Variants in ZFAND6 observed in about 807,000 individuals in gnomAD.
The protein encoded by ZFAND6 is zinc finger AN1-type containing 6.
ZFAND6 carries 12 observed loss-of-function variants against 24.5 expected under a neutral mutation model. The observed-to-expected ratio is 0.49, with a 90% CI of 0.31 to 0.79. The LOEUF (loss-of-function observed/expected upper bound fraction) is 0.79. ZFAND6 is among the 30% of genes least tolerant of loss of function. The pLI is 0.04. For synonymous variants in ZFAND6, 92 were observed against 81.5 expected (o/e 1.13, Z -0.69); for missense variants, 207 against 245.9 (o/e 0.84, Z 1.06).
chr15:80,095,841 C>T (rs1309196255), intron 1 of ZFAND6, among the ~76,000 whole-genome samples: 1 of 152,146 alleles, frequency 6.6e-6, no homozygotes, highest in Admixed American at 6.6e-5. Context: ...AGGTTACTTG[C>T]TTTAATTTCA....
At chr15:80,134,931 A>G (rs1353853920) in intron 6 of ZFAND6, among the ~76,000 whole-genome samples, 1 of 152,240 alleles carries the variant, frequency 6.6e-6, no homozygotes, top group Non-Finnish European at 1.5e-5. Flanking sequence ...ACTAAAGCAA[A>G]TGGTGGAAGA....
chr15:80,063,454 C>T (rs2036441294), intron 1 of ZFAND6, among the ~76,000 whole-genome samples: 1 of 151,888 alleles, frequency 6.6e-6, no homozygotes, highest in Non-Finnish European at 1.5e-5. Flanking sequence ...TGCAACGGTG[C>T]GATCTCAGCT....
chr15:80,135,305 C>T (rs2142067478), intron 6 of ZFAND6, among the ~76,000 whole-genome samples: 1 of 152,212 alleles, frequency 6.6e-6, no homozygotes, highest in South Asian at 2.1e-4. Context: ...GACTATGTTA[C>T]CAGTAAAGCT....
In ZFAND6 at chr15:80,087,869, A is replaced by G. The variant is rs145950907; in HGVS notation, c.-180-10547A>G. ...TTGGGGGTGTATTATGCATGCATAT[A>G]TAAAAATTAAATTAGTATGCACATA... On this transcript the variant is annotated intron_variant, in intron 1 of 6. Transcript: ENST00000261749. 2.4e-4 allele frequency among the ~76,000 whole-genome samples: 37 copies of G among 152,268 alleles called. No homozygotes were observed. In the East Asian group the frequency reaches 6.8e-3, roughly 28 times the overall value.
Sources: gnomAD v4.1 joint callset for allele counts (sites outside exome capture counted in the v4.1 genomes callset) on GRCh38, gnomAD v4.1.1 for gene constraint, MANE v1.5 for transcripts, NCBI Gene and HGNC (gene_info 2026-07-23, HGNC 2026-07-21) for gene names.